Variants in CNTNAP2 observed in about 807,000 individuals in gnomAD.
The protein encoded by CNTNAP2 is contactin associated protein 2, also known as contactin-associated protein-like 2.
CNTNAP2 carries 98 observed loss-of-function variants against 155.2 expected under a neutral mutation model. That is an observed-to-expected ratio of 0.63 (90% confidence interval 0.54 to 0.75). The LOEUF (loss-of-function observed/expected upper bound fraction) is 0.75. Ranked by LOEUF, CNTNAP2 falls within the 30% of genes least tolerant of loss-of-function variation. The pLI is 0.00. For synonymous variants in CNTNAP2, 651 were observed against 631.2 expected, an observed-to-expected ratio of 1.03 and a Z score of -0.47; for missense variants, 1,727 against 1,688.1, an observed-to-expected ratio of 1.02 and a Z score of -0.40.
intron 8 of CNTNAP2, among the ~76,000 whole-genome samples, chr7:147,143,979 T>C (rs1207399733): frequency 6.6e-6 from 1 of 152,236 alleles, no homozygotes; most frequent in Non-Finnish European, 1.5e-5. Flanking sequence ...AATTTAGTTT[T>C]ATTCTTTTCT....
intron 6 of CNTNAP2, among the ~76,000 whole-genome samples, chr7:147,124,012 A>C (rs1222167855): frequency 6.6e-6 from 1 of 152,200 alleles, no homozygotes; most frequent in African/African-American, 2.4e-5. Flanking sequence ...ATTGCACTCC[A>C]GCTTGGGCAA....
chr7:146,924,435 AG>A (rs928323919), intron 3 of CNTNAP2, among the ~76,000 whole-genome samples: 9 of 152,068 alleles, frequency 5.9e-5, no homozygotes, highest in Non-Finnish European at 8.8e-5. Flanking sequence ...CAAATCACAA[AG>A]TATTTAGCAA....
At position 147,514,621 on chromosome 7, in the gene CNTNAP2, TA is replaced by T. The variant is rs5888268; in HGVS notation, c.1777+28592del. Among the ~76,000 whole-genome samples, 60 of 144,872 alleles carry T rather than the reference TA, an allele frequency of 4.1e-4. 1 individual carries two copies. Among genetic ancestry groups the T allele is most frequent in the East Asian group, 6.1e-4 (3 of 4,906 alleles). On this transcript the variant is annotated intron_variant, in intron 11 of 23. Transcript: ENST00000361727. ...GATTCTTAGAAAGTGAGATTTGAAC[TA>T]AAAAAAAAAAATAATAAGGTGTTTT...
intron 1 of CNTNAP2, among the ~76,000 whole-genome samples, chr7:146,483,325 A>ATATATATG (rs1797005403): frequency 1.1e-5 from 1 of 90,484 alleles, no homozygotes; most frequent in Non-Finnish European, 2.1e-5. Flanking sequence ...ATATATATAT[A>ATATATATG]TATACATATA....
chr7:148,143,923 G>A (rs1344491542), intron 16 of CNTNAP2, among the ~76,000 whole-genome samples: 2 of 152,172 alleles, frequency 1.3e-5, no homozygotes, highest in Non-Finnish European at 2.9e-5. Flanking sequence ...TCCAAAGTGG[G>A]TAGCTGGCAA....
chr7:147,194,679 C>T (rs1257459617), intron 8 of CNTNAP2, among the ~76,000 whole-genome samples: 4 of 152,052 alleles, frequency 2.6e-5, no homozygotes, highest in Non-Finnish European at 5.9e-5. Context: ...TGATCAGTGA[C>T]GTTGAGCTTT....
intron 13 of CNTNAP2, among the ~76,000 whole-genome samples, chr7:147,709,369 A>G (rs1796369035): frequency 1.3e-5 from 2 of 152,170 alleles, no homozygotes; most frequent in Non-Finnish European, 2.9e-5. Context: ...AACTCTTGCA[A>G]TCCTAACTCC....
chr7:146,222,573 TGTGC>T (rs749064791), intron 1 of CNTNAP2, among the ~76,000 whole-genome samples: 3 of 138,612 alleles, frequency 2.2e-5, no homozygotes, highest in Non-Finnish European at 3.2e-5. Flanking sequence ...TGTGTGTGTG[TGTGC>T]GTGCACATGT....
chr7:146,932,426 G>A (rs1585165609), intron 3 of CNTNAP2, among the ~76,000 whole-genome samples: 1 of 151,882 alleles, frequency 6.6e-6, no homozygotes, highest in East Asian at 1.9e-4. Flanking sequence ...AGGTATTGAT[G>A]GGATGTATGG....
At chr7:147,131,041 C>G (rs199587361) in intron 7 of CNTNAP2, among the ~76,000 whole-genome samples, 1 of 67,722 alleles carries the variant, frequency 1.5e-5, no homozygotes, top group Non-Finnish European at 3.4e-5. Context: ...TATATATATA[C>G]ACATATATAT....
intron 3 of CNTNAP2, among the ~76,000 whole-genome samples, chr7:147,042,879 ATAATT>A (rs1799286381): frequency 1.3e-5 from 2 of 152,252 alleles, no homozygotes; most frequent in South Asian, 4.1e-4. Flanking sequence ...TGATTTTAAG[ATAATT>A]TAAATAAATC....
At chr7:148,020,384 T>C (rs1418062873) in intron 15 of CNTNAP2, among the ~76,000 whole-genome samples, 2 of 152,224 alleles carry the variant, frequency 1.3e-5, no homozygotes, top group Non-Finnish European at 2.9e-5. Context: ...GTTTACTGTA[T>C]AGTATATCTA....
intron 1 of CNTNAP2, among the ~76,000 whole-genome samples, chr7:146,564,966 A>T (rs1010695132): frequency 1.3e-5 from 2 of 152,134 alleles, no homozygotes; most frequent in Non-Finnish European, 2.9e-5. Flanking sequence ...CGTGGCTAGG[A>T]GTTTACCCAA....
intron 11 of CNTNAP2, among the ~76,000 whole-genome samples, chr7:147,540,824 T>C (rs1197030286): frequency 8.4e-6 from 1 of 118,722 alleles, no homozygotes; most frequent in East Asian, 3.0e-4. Context: ...AGCAAGACTC[T>C]GTCTCAAAAA....
intron 1 of CNTNAP2, among the ~76,000 whole-genome samples, chr7:146,117,471 T>G (rs1454315816): frequency 6.6e-6 from 1 of 152,176 alleles, no homozygotes; most frequent in African/African-American, 2.4e-5. Flanking sequence ...CTTAAAAAGT[T>G]AATGCCCATT....
intron 8 of CNTNAP2, among the ~76,000 whole-genome samples, chr7:147,237,868 T>G (rs1337634014): frequency 1.3e-5 from 2 of 152,208 alleles, no homozygotes; most frequent in Non-Finnish European, 2.9e-5. Flanking sequence ...TGGAAAAACA[T>G]TTTTTATCAG....
chr7:147,719,512 C>T (rs1225318810), intron 13 of CNTNAP2, among the ~76,000 whole-genome samples: 4 of 151,982 alleles, frequency 2.6e-5, no homozygotes, highest in Admixed American at 2.6e-4. Context: ...AATGATTCAC[C>T]TAACTGCCAG....
At chr7:147,010,201 G>T (rs1298299617) in intron 3 of CNTNAP2, among the ~76,000 whole-genome samples, 1 of 151,606 alleles carries the variant, frequency 6.6e-6, no homozygotes, top group African/African-American at 2.4e-5. Context: ...ATAGAGACAC[G>T]GTTTCCCCAT....
chr7:147,363,124 C>A (rs780445651), intron 9 of CNTNAP2, among the ~76,000 whole-genome samples: 2 of 152,050 alleles, frequency 1.3e-5, no homozygotes, highest in East Asian at 1.9e-4. Context: ...CGTGGTGGGA[C>A]CTTTGGAAGG....
Sources: gnomAD v4.1 joint callset for allele counts (sites outside exome capture counted in the v4.1 genomes callset) on GRCh38, gnomAD v4.1.1 for gene constraint, MANE v1.5 for transcripts, NCBI Gene and HGNC (gene_info 2026-07-23, HGNC 2026-07-21) for gene names.